The following IQUB variants were observed in gnomAD, a reference collection of about 807,000 sequenced individuals.
IQUB encodes the protein IQ motif and ubiquitin-like domain-containing protein.
A neutral mutation model predicts 86.4 loss-of-function variants in IQUB; 86 were observed. That is an observed-to-expected ratio of 1.00 (90% CI 0.84 to 1.19). The LOEUF is 1.19. Ranked by LOEUF, IQUB falls within the 50% of genes most tolerant of loss-of-function variation. The pLI is 0.00. For missense variants in IQUB, 946 were observed against 916.9 expected, an observed-to-expected ratio of 1.03 and a Z score of -0.41; for synonymous variants, 289 against 304.5, an observed-to-expected ratio of 0.95 and a Z score of 0.53.
Position 123,469,264 on chromosome 7 carries a change from A to T in IQUB, c.1531T>A (p.Ser511Thr), listed in dbSNP as rs1437944271. 1 of 1,606,748 alleles carries T rather than the reference A, an allele frequency of 6.2e-7. No homozygotes were observed. Among genetic ancestry groups the T allele is most frequent in the Non-Finnish European group, 8.5e-7 (1 of 1,176,580 alleles). ...AGCACATCCAGCCTCTCATCTTGGG[A>T]GATATTTTTCAGCATAATGCACTTA... The part of the protein sequence containing the change: ...IYKCIMLKNI[S>T]QDERLDVLLT... Residue 511 changes from serine to threonine, a missense_variant, in exon 9 of 13, where the codon TCC becomes ACC. Transcript: ENST00000324698.
intron 7 of IQUB, among the ~76,000 whole-genome samples, chr7:123,482,159 G>A (rs1795039107): frequency 6.6e-6 from 1 of 151,768 alleles, no homozygotes; most frequent in Non-Finnish European, 1.5e-5. Context: ...GTTTATACAG[G>A]AAATCATATA....
intron 1 of IQUB, among the ~76,000 whole-genome samples, chr7:123,530,507 T>A (rs1360264998): frequency 1.3e-5 from 2 of 151,578 alleles, no homozygotes; most frequent in African/African-American, 2.4e-5. Context: ...ACTCAAAAAA[T>A]AAAAAAATTT....
intron 8 of IQUB, among the ~76,000 whole-genome samples, chr7:123,474,496 CATTTT>C (rs1459809038): frequency 2.0e-5 from 3 of 152,108 alleles, no homozygotes; most frequent in Non-Finnish European, 2.9e-5. Context: ...GAAAAACAGA[CATTTT>C]ATAAGTATTC....
At chr7:123,473,526 C>T (rs1433726067) in intron 8 of IQUB, among the ~76,000 whole-genome samples, 1 of 151,990 alleles carries the variant, frequency 6.6e-6, no homozygotes, top group Non-Finnish European at 1.5e-5. Context: ...ACTTCTTGAC[C>T]TGAATTTCTT....
At position 123,491,325 on chromosome 7, in the gene IQUB, T is replaced by G. The variant is rs1795450664; in HGVS notation, c.1234+5371A>C. On this transcript the variant is annotated intron_variant, in intron 7 of 12. Transcript: ENST00000324698. ...CCACAGGACTAGAAGAGGAGTAAAC[T>G]GAACCAAAGGTAAGCATAATGAAGG... Among the ~76,000 whole-genome samples, 3 of 151,700 alleles carry G rather than the reference T, an allele frequency of 2.0e-5. No individual in the cohort carries two copies. In the South Asian group the frequency reaches 6.2e-4, roughly 32 times the overall value.
chr7:123,493,723 GTGTGTGTA>G (rs201312351), intron 7 of IQUB, among the ~76,000 whole-genome samples: 12,811 of 130,334 alleles, frequency 0.098, 572 homozygotes, highest in Admixed American at 0.13. Context: ...TGAGAGAAAT[GTGTGTGTA>G]TGTGTGTGTG....
At chr7:123,486,335 C>G (rs1175168775) in intron 7 of IQUB, among the ~76,000 whole-genome samples, 2 of 152,158 alleles carry the variant, frequency 1.3e-5, no homozygotes, top group Non-Finnish European at 2.9e-5. Flanking sequence ...ACTTCTCAGC[C>G]AAATAAAAAA....
chr7:123,464,396 C>T (rs911860002), intron 10 of IQUB, among the ~76,000 whole-genome samples: 18 of 151,836 alleles, frequency 1.2e-4, no homozygotes, highest in Non-Finnish European at 2.5e-4. Flanking sequence ...CAAGGTATAA[C>T]ATGGAATCTC....
At chr7:123,477,850 A>G (rs1291455693) in intron 8 of IQUB, among the ~76,000 whole-genome samples, 1 of 152,244 alleles carries the variant, frequency 6.6e-6, no homozygotes, top group African/African-American at 2.4e-5. Context: ...AATGCTCATC[A>G]TCACTGGTCA....
At chr7:123,527,378 G>T (rs1166999657) in intron 1 of IQUB, among the ~76,000 whole-genome samples, 3 of 152,222 alleles carry the variant, frequency 2.0e-5, no homozygotes, top group Admixed American at 1.3e-4. Flanking sequence ...TCCTCTGGAG[G>T]AGGAGAGGCA....
chr7:123,456,086 C>A (rs1170238478), intron 12 of IQUB, among the ~76,000 whole-genome samples: 1 of 152,028 alleles, frequency 6.6e-6, no homozygotes, highest in Non-Finnish European at 1.5e-5. Flanking sequence ...AAGATTGTAT[C>A]AGCCCAAAAC....
At chr7:123,470,841 A>T (rs2117026536) in intron 8 of IQUB, among the ~76,000 whole-genome samples, 1 of 150,530 alleles carries the variant, frequency 6.6e-6, no homozygotes, top group East Asian at 2.0e-4. Flanking sequence ...ACAGAGCAAG[A>T]CTCTGTCTCA....
intron 6 of IQUB, chr7:123,501,636 T>C (rs1453657194): frequency 3.3e-5 from 5 of 152,222 alleles, no homozygotes; most frequent in African/African-American, 4.8e-5. Flanking sequence ...GCCTCAATTA[T>C]ACAACCAAGG....
chr7:123,527,320 A>C (rs775152662), intron 1 of IQUB, among the ~76,000 whole-genome samples: 59 of 152,306 alleles, frequency 3.9e-4, no homozygotes, highest in Middle Eastern at 3.4e-3. Context: ...CAGCTCGTCA[A>C]AGTCATTCTC....
intron 12 of IQUB, among the ~76,000 whole-genome samples, chr7:123,454,817 T>G (rs1793614651): frequency 6.6e-6 from 1 of 152,156 alleles, no homozygotes. Context: ...TGAAGTGCCC[T>G]TCTCCTCACA....
At chr7:123,507,640 C>T (rs1251522140) in intron 3 of IQUB, among the ~76,000 whole-genome samples, 2 of 152,140 alleles carry the variant, frequency 1.3e-5, no homozygotes, top group Non-Finnish European at 2.9e-5. Flanking sequence ...CAGCACTTTG[C>T]AAGGCGGGTG....
At chr7:123,511,728 C>T (rs1057229714) in intron 2 of IQUB, among the ~76,000 whole-genome samples, 71 of 152,218 alleles carry the variant, frequency 4.7e-4, no homozygotes, top group African/African-American at 1.7e-3. Flanking sequence ...TTTAATGATG[C>T]TCATTCATTG....
chr7:123,527,993 C>A (rs1240051269), intron 1 of IQUB, among the ~76,000 whole-genome samples: 3 of 152,232 alleles, frequency 2.0e-5, no homozygotes, highest in African/African-American at 7.2e-5. Flanking sequence ...ACCCTCCGAG[C>A]CGGGTGGGGG....
At chr7:123,532,736 T>C (rs1395087587) in intron 1 of IQUB, 3 of 152,124 alleles carry the variant, frequency 2.0e-5, no homozygotes, top group African/African-American at 7.2e-5. Context: ...CGGCTCCTTC[T>C]CCGCGGCGAT....
Sources: gnomAD v4.1 joint callset for allele counts (sites outside exome capture counted in the v4.1 genomes callset) on GRCh38, gnomAD v4.1.1 for gene constraint, MANE v1.5 for transcripts, NCBI Gene and HGNC (gene_info 2026-07-23, HGNC 2026-07-21) for gene names.